The following CCNH variants were observed in gnomAD, a reference collection of about 807,000 sequenced individuals.
CCNH encodes the protein cyclin H, also known as cyclin-H.
A neutral mutation model predicts 41.9 loss-of-function variants in CCNH; 31 were observed. That is an observed-to-expected ratio of 0.74 (90% CI 0.56 to 1.00). The LOEUF is 1.00. Ranked by LOEUF, CCNH falls within the 50% of genes least tolerant of loss-of-function variation. CCNH has a pLI of 0.00. For synonymous variants in CCNH, 138 were observed against 136.1 expected, an observed-to-expected ratio of 1.01 and a Z score of -0.10; for missense variants, 362 against 388.4, an observed-to-expected ratio of 0.93 and a Z score of 0.57.
chr5:87,386,712 G>T, downstream of CCNH: 1 of 826,920 alleles, frequency 1.2e-6, no homozygotes, highest in South Asian at 1.4e-5. Flanking sequence ...ATATTAATTT[G>T]GTGCAATAGT....
intron 9 of CCNH, among the ~76,000 whole-genome samples, chr5:87,319,854 G>A (rs908865473): frequency 1.3e-5 from 2 of 152,154 alleles, no homozygotes; most frequent in Non-Finnish European, 2.9e-5. Flanking sequence ...AGCATGGTGA[G>A]GCTGCAAAAT....
the CCNH span, among the ~76,000 whole-genome samples, chr5:87,312,997 A>G: frequency 6.6e-6 from 1 of 152,148 alleles, no homozygotes; most frequent in Non-Finnish European, 1.5e-5. Context: ...ATTGAGGGAG[A>G]AAGAGTTCCC....
At chr5:87,345,218 A>C (rs1451845264) in intron 9 of CCNH, among the ~76,000 whole-genome samples, 2 of 152,136 alleles carry the variant, frequency 1.3e-5, no homozygotes, top group African/African-American at 4.8e-5. Flanking sequence ...GAAATATATA[A>C]ATTTTATATG....
intron 9 of CCNH, among the ~76,000 whole-genome samples, chr5:87,364,824 T>G (rs1760384218): frequency 6.6e-6 from 1 of 152,124 alleles, no homozygotes; most frequent in Non-Finnish European, 1.5e-5. Flanking sequence ...TTGAGCCACC[T>G]CTCAACCAAT....
chr5:87,389,577 TAGAG>T (rs778583800), downstream of CCNH: 76 of 1,600,378 alleles, frequency 4.7e-5, no homozygotes, highest in Non-Finnish European at 6.2e-5. Flanking sequence ...AGATAACACT[TAGAG>T]AGTTAATAAA....
chr5:87,349,435 A>G (rs1388076956), intron 9 of CCNH: 1 of 1,529,960 alleles, frequency 6.5e-7, no homozygotes, highest in East Asian at 2.3e-5. Flanking sequence ...TACAGTATTC[A>G]GAGTCAAAAT....
At chr5:87,323,450 C>T (rs1580260858) in intron 9 of CCNH, among the ~76,000 whole-genome samples, 1 of 152,072 alleles carries the variant, frequency 6.6e-6, no homozygotes, top group Non-Finnish European at 1.5e-5. Flanking sequence ...GCCCTGTGCT[C>T]ATAGGGTTAT....
chr5:87,322,341 A>G (rs2112339396), intron 9 of CCNH, among the ~76,000 whole-genome samples: 1 of 152,266 alleles, frequency 6.6e-6, no homozygotes, highest in East Asian at 1.9e-4. Flanking sequence ...CGCAAACCCT[A>G]TTGTGAACTC....
intron 7 of CCNH, among the ~76,000 whole-genome samples, chr5:87,396,092 A>C (rs910740289): frequency 6.6e-6 from 1 of 151,020 alleles, no homozygotes; most frequent in Non-Finnish European, 1.5e-5. Context: ...ATTTTTTCTT[A>C]TTATTCCCTC....
intron 5 of CCNH, among the ~76,000 whole-genome samples, chr5:87,403,798 A>AC (rs1763591987): frequency 6.6e-6 from 1 of 151,932 alleles, no homozygotes; most frequent in African/African-American, 2.4e-5. Flanking sequence ...TAACCACCCA[A>AC]CCCCCACAAA....
downstream of CCNH, chr5:87,374,458 TA>T (rs1264771176): frequency 5.2e-3 from 1,234 of 238,754 alleles, 10 homozygotes; most frequent in African/African-American, 0.016. Flanking sequence ...TATATATATA[TA>T]TTTTTTTTTT....
exon 10 of CCNH, chr5:87,318,701 C>G (rs1031378211): frequency 2.6e-5 from 4 of 152,158 alleles, no homozygotes; most frequent in Non-Finnish European, 5.9e-5. Flanking sequence ...AATTACAATT[C>G]AACATGAGAT....
chr5:87,393,501 T>C (rs1014749461), downstream of CCNH: 1 of 152,232 alleles, frequency 6.6e-6, no homozygotes, highest in African/African-American at 2.4e-5. Flanking sequence ...CATAGTGAAA[T>C]ACAGCTGGCC....
chr5:87,343,295 A>C (rs1010828829), intron 9 of CCNH, among the ~76,000 whole-genome samples: 21 of 152,118 alleles, frequency 1.4e-4, no homozygotes, highest in Admixed American at 5.9e-4. Context: ...AAATAACTAC[A>C]TTCTAGTTCA....
intron 9 of CCNH, chr5:87,332,493 T>C (rs1757676097): frequency 6.2e-7 from 1 of 1,601,766 alleles, no homozygotes; most frequent in Non-Finnish European, 8.5e-7. Context: ...CTGTATTTTT[T>C]CCTGTTCAAA....
chr5:87,351,830 T>G (rs2112428487), intron 9 of CCNH, among the ~76,000 whole-genome samples: 1 of 151,950 alleles, frequency 6.6e-6, no homozygotes, highest in Admixed American at 6.6e-5. Context: ...GAACTGTACT[T>G]CCCCATGGTT....
At chr5:87,322,860 A>G (rs1480701591) in intron 9 of CCNH, among the ~76,000 whole-genome samples, 1 of 152,228 alleles carries the variant, frequency 6.6e-6, no homozygotes, top group Non-Finnish European at 1.5e-5. Context: ...TGCTTTTGAA[A>G]TTCCAGGTCT....
intron 9 of CCNH, among the ~76,000 whole-genome samples, chr5:87,354,116 A>G (rs911475666): frequency 6.6e-6 from 1 of 151,608 alleles, no homozygotes; most frequent in Non-Finnish European, 1.5e-5. Context: ...TATAGCTACT[A>G]CTTATTGCAG....
chr5:87,412,873 C>A lies in CCNH; in HGVS notation c.-79G>T, dbSNP rs1181757782. The A allele has an allele frequency of 1.5e-5, 23 of 1,557,046 alleles. No homozygotes were observed. Among genetic ancestry groups the A allele is most frequent in the African/African-American group, 2.7e-5 (2 of 73,774 alleles). On this transcript the variant is annotated 5_prime_UTR_variant, in exon 1 of 9. Transcript: ENST00000256897. ...AGCGTCCTGGCGTAAAACACCCGTA[C>A]CCCCACCGAAGATCTCGCGGAAGCC...
Sources: allele counts gnomAD v4.1 joint callset (sites outside exome capture counted in the v4.1 genomes callset), GRCh38; gene constraint gnomAD v4.1.1; transcripts MANE v1.5; gene names NCBI Gene and HGNC (gene_info 2026-07-23, HGNC 2026-07-21).